CHST8: variants seen among roughly 807,000 people sequenced by gnomAD.
The protein encoded by CHST8 is GALNAC-4-ST1.
A neutral mutation model predicts 15.0 loss-of-function variants in CHST8; 10 were observed. The ratio of observed to expected loss-of-function variants is 0.67; its 90% CI spans 0.41 to 1.13. CHST8 has a LOEUF of 1.13. Ranked by LOEUF, CHST8 falls within the 50% of genes most tolerant of loss-of-function variation. CHST8 has a pLI of 0.00. For missense variants in CHST8, 634 were observed against 608.2 expected, an observed-to-expected ratio of 1.04 and a Z score of -0.45; for synonymous variants, 259 against 256.6, an observed-to-expected ratio of 1.01 and a Z score of -0.09.
chr19:33,682,239 C>A (rs1036388558), intron 2 of CHST8, among the ~76,000 whole-genome samples: 4 of 136,226 alleles, frequency 2.9e-5, no homozygotes, highest in Admixed American at 8.0e-5. Context: ...GTTGCCCTGA[C>A]TGGAGTGCAG....
Position 33,772,922 on chromosome 19 carries a change from G to A in CHST8, c.1134G>A (p.Ser378=). 2 of 1,613,432 alleles carry A rather than the reference G, an allele frequency of 1.2e-6. No homozygotes were observed. Among genetic ancestry groups the A allele is most frequent in the African/African-American group, 1.3e-5 (1 of 75,072 alleles). The change falls in exon 5 of 5, where the codon TCG becomes TCA. Residue 378 remains serine (S), a synonymous_variant. Transcript: ENST00000650847. The stretch of plus-strand genomic sequence containing the variant: ...TCCCCCGGTTCAAGGACCGGCACTC[G>A]CAGGAGGCGCGGACCACAGCGAGGA... ...LTFPRFKDRH[S]QEARTTARIA...
At chr19:33,671,383 CT>C (rs771172146) in intron 2 of CHST8, among the ~76,000 whole-genome samples, 3 of 152,188 alleles carry the variant, frequency 2.0e-5, no homozygotes, top group Non-Finnish European at 4.4e-5. Context: ...CCAGGCCAAC[CT>C]GTTTCTGCCT....
chr19:33,723,886 C>A (rs1395178695), intron 3 of CHST8, among the ~76,000 whole-genome samples: 1 of 152,196 alleles, frequency 6.6e-6, no homozygotes, highest in African/African-American at 2.4e-5. Flanking sequence ...GCAGGAGGAT[C>A]CCATGCCCCT....
intron 3 of CHST8, among the ~76,000 whole-genome samples, chr19:33,700,681 G>A (rs1973314970): frequency 6.6e-6 from 1 of 152,160 alleles, no homozygotes; most frequent in Admixed American, 6.5e-5. Context: ...TCTTCGTGGG[G>A]GTTCCTCCTA....
chr19:33,726,092 CAAGGCCTTCAGCAACCGGGCAG>C (rs1457902351), intron 3 of CHST8, among the ~76,000 whole-genome samples: 1 of 152,248 alleles, frequency 6.6e-6, no homozygotes, highest in Non-Finnish European at 1.5e-5. Flanking sequence ...AGTTCTATCC[CAAGGCCTTCAGCAACCGGGCAG>C]AAGGCCCTCA....
intron 3 of CHST8, among the ~76,000 whole-genome samples, chr19:33,693,977 G>A (rs181264832): frequency 6.6e-6 from 1 of 150,522 alleles, no homozygotes; most frequent in Non-Finnish European, 1.5e-5. Flanking sequence ...ATGGGGCAAG[G>A]TGAGTCATTG....
chr19:33,697,797 AG>A (rs1973249419), intron 3 of CHST8, among the ~76,000 whole-genome samples: 1 of 152,138 alleles, frequency 6.6e-6, no homozygotes, highest in Non-Finnish European at 1.5e-5. Flanking sequence ...GAGTCCTGAG[AG>A]AATGCGGCAC....
At chr19:33,629,376 T>C (rs1178808369) in intron 1 of CHST8, among the ~76,000 whole-genome samples, 3 of 152,238 alleles carry the variant, frequency 2.0e-5, no homozygotes, top group Non-Finnish European at 4.4e-5. Flanking sequence ...ACCCTTTTCT[T>C]GCTCTCAGCC....
intron 3 of CHST8, among the ~76,000 whole-genome samples, chr19:33,705,140 C>T (rs1015887194): frequency 1.3e-5 from 2 of 152,088 alleles, no homozygotes; most frequent in Non-Finnish European, 2.9e-5. Flanking sequence ...CCTGCTCTCC[C>T]TATACCCCCT....
At chr19:33,687,890 G>A (rs1973013207) in intron 2 of CHST8, among the ~76,000 whole-genome samples, 1 of 152,156 alleles carries the variant, frequency 6.6e-6, no homozygotes, top group South Asian at 2.1e-4. Flanking sequence ...ATGTCCTTGG[G>A]CCGAGCAGCA....
Position 33,772,244 on chromosome 19 carries a change from C to T in CHST8, c.456C>T (p.Ser152=). Residue 152 remains serine (S), a synonymous_variant, in exon 5 of 5, where the codon AGC becomes AGT. Transcript: ENST00000650847. ...GCCGCTGGGTCAGCCTGCACCGGAG[C>T]CAGCAGGAGCGCAAGCGGGTGATGC... ...LDGRWVSLHR[S]QQERKRVMQE... 6.3e-7 allele frequency: 1 copy of T among 1,598,940 alleles called. No homozygotes were observed.
chr19:33,720,644 C>T (rs544803587), intron 3 of CHST8, among the ~76,000 whole-genome samples: 1 of 152,344 alleles, frequency 6.6e-6, no homozygotes, highest in Non-Finnish European at 1.5e-5. Flanking sequence ...GGGGCTCCCA[C>T]AGTAAGCTGA....
chr19:33,690,951 G>A (rs1382755875), intron 3 of CHST8, among the ~76,000 whole-genome samples: 1 of 152,242 alleles, frequency 6.6e-6, no homozygotes, highest in East Asian at 1.9e-4. Flanking sequence ...GTGCATGTAG[G>A]CAGAGGGTCC....
intron 3 of CHST8, among the ~76,000 whole-genome samples, chr19:33,732,337 C>T (rs1446235667): frequency 5.9e-5 from 9 of 152,114 alleles, no homozygotes; most frequent in Admixed American, 5.9e-4. Flanking sequence ...TGTCCTGACA[C>T]TGACCACCTG....
At chr19:33,770,348 G>T (rs1974950597) in intron 3 of CHST8, among the ~76,000 whole-genome samples, 1 of 152,202 alleles carries the variant, frequency 6.6e-6, no homozygotes, top group South Asian at 2.1e-4. Context: ...TCTCCTTAAG[G>T]GATAGCTGGC....
At chr19:33,716,719 G>C (rs1170878388) in intron 3 of CHST8, among the ~76,000 whole-genome samples, 1 of 152,124 alleles carries the variant, frequency 6.6e-6, no homozygotes, top group East Asian at 1.9e-4. Context: ...CAGGGTATTC[G>C]GGTGAGGAGT....
chr19:33,746,016 C>T (rs1312162853), intron 3 of CHST8, among the ~76,000 whole-genome samples: 2 of 152,202 alleles, frequency 1.3e-5, no homozygotes, highest in African/African-American at 2.4e-5. Context: ...AATTCCTTTG[C>T]TTATTCAAGG....
At chr19:33,639,321 C>T (rs964643334) in intron 1 of CHST8, among the ~76,000 whole-genome samples, 3 of 151,890 alleles carry the variant, frequency 2.0e-5, no homozygotes, top group African/African-American at 4.8e-5. Flanking sequence ...TTACAGCGCT[C>T]GAGGATGAAT....
At chr19:33,630,984 G>T (rs935073997) in intron 1 of CHST8, among the ~76,000 whole-genome samples, 1 of 152,212 alleles carries the variant, frequency 6.6e-6, no homozygotes, top group African/African-American at 2.4e-5. Context: ...ACGTCCATCA[G>T]GCTCTGTCTC....
Sources: allele counts gnomAD v4.1 joint callset (sites outside exome capture counted in the v4.1 genomes callset), GRCh38; gene constraint gnomAD v4.1.1; transcripts MANE v1.5; gene names NCBI Gene and HGNC (gene_info 2026-07-23, HGNC 2026-07-21).